The following MGST1 variants were observed in gnomAD, a reference collection of about 807,000 sequenced individuals.
The protein encoded by MGST1 is glutathione S-transferase 12.
Under a neutral mutation model 8.9 loss-of-function variants are expected in MGST1, and 5 were observed. The ratio of observed to expected loss-of-function variants is 0.56; its 90% confidence interval spans 0.29 to 1.19. MGST1 has a LOEUF of 1.19. MGST1 is among the 50% of genes most tolerant of loss of function. The pLI is 0.08. For synonymous variants in MGST1, 54 were observed against 67.8 expected, an observed-to-expected ratio of 0.80 and a Z score of 1.00; for missense variants, 182 against 187.4, an observed-to-expected ratio of 0.97 and a Z score of 0.17.
chr12:16,372,928 T>C lies in MGST1; in HGVS notation c.222-3194T>C, dbSNP rs895507607. On this transcript the variant is annotated intron_variant, in intron 3 of 3. Coordinates refer to the MGST1 transcript ENST00000535309. ...TATTACATATTTTATATATTTTATA[T>C]TGTATATTTTATATTATATATTACA... 1.7e-3 allele frequency among the ~76,000 whole-genome samples: 250 copies of C among 145,816 alleles called. 2 individuals carry two copies. The highest frequency in any genetic ancestry group is 0.011 in the East Asian group (55 of 5,048).
chr12:16,404,772 G>A lies in MGST1; in HGVS notation n.778+21168G>A, dbSNP rs147419015. On this transcript the variant is annotated intron_variant and non_coding_transcript_variant, in intron 1 of 1. Transcript: ENST00000359720. The stretch of plus-strand genomic sequence containing the variant: ...TGAATCAGTGGTCTTCTAGCTTTAC[G>A]TCCTCATTACCACTTTATCTTGCTC... Among the ~76,000 whole-genome samples the A allele has an allele frequency of 5.4e-3, 817 of 151,988 alleles. 7 individuals carry two copies. The highest frequency in any genetic ancestry group is 0.034 in the Middle Eastern group (10 of 294).
chr12:16,400,967 T>A, intron 1 of MGST1: 2 of 1,409,558 alleles, frequency 1.4e-6, no homozygotes, highest in Non-Finnish European at 2.0e-6. Flanking sequence ...TGCTTCTTCA[T>A]TGAGTTGAGC....
chr12:16,452,727 T>C lies in MGST1; in HGVS notation n.482+69123T>C, dbSNP rs530560959. ...TTTTTAATTATTATGGTAAACTTAT[T>C]TAAACTAAAAAATGTTTTAAAAAAT... On this transcript the variant is annotated intron_variant and non_coding_transcript_variant, in intron 4 of 4. Transcript: ENST00000538857. Among the ~76,000 whole-genome samples, 27 of 151,978 alleles carry C rather than the reference T, an allele frequency of 1.8e-4. No homozygotes were observed. The South Asian group carries it at 4.6e-3, about 26-fold the overall frequency.
Position 16,586,107 on chromosome 12 carries a change from T to C in MGST1, n.483-3421T>C, listed in dbSNP as rs1943311281. Among the ~76,000 whole-genome samples the C allele has an allele frequency of 6.6e-6, 1 of 151,968 alleles. No homozygotes were observed. The highest frequency in any genetic ancestry group is 1.5e-5 in the Non-Finnish European group (1 of 67,996). The stretch of plus-strand genomic sequence containing the variant: ...AAAAATTTTTGAGGGGCCAAAACAA[T>C]AGGGGTCAAGATCAAAGACACAGGG... On this transcript the variant is annotated intron_variant and non_coding_transcript_variant, in intron 4 of 4. Transcript: ENST00000538857. The surrounding 1 kb of genome is among the most constrained non-coding windows in gnomAD (Gnocchi z 4.3).
At chr12:16,478,926 C>T (rs1941344686) in intron 4 of MGST1, among the ~76,000 whole-genome samples, 1 of 151,932 alleles carries the variant, frequency 6.6e-6, no homozygotes, top group South Asian at 2.1e-4. Flanking sequence ...TCCGTTGTTC[C>T]AAAATAAAAC....
chr12:16,351,377 C>T (rs1184201348), intron 1 of MGST1, among the ~76,000 whole-genome samples: 1 of 152,090 alleles, frequency 6.6e-6, no homozygotes, highest in East Asian at 1.9e-4. Flanking sequence ...GCACTGAGAG[C>T]TAATCTAACA....
In MGST1 at chr12:16,560,514, G is replaced by T; in HGVS notation, n.483-29014G>T. The stretch of plus-strand genomic sequence containing the variant: ...CAGGGATGAGCTTACTACAGGCAGC[G>T]CAGTTTCCCGTTACACCAAAGAGCC... On this transcript the variant is annotated intron_variant and non_coding_transcript_variant, in intron 4 of 4. Coordinates refer to the MGST1 transcript ENST00000538857. This position sits in a 1 kb window ranked among gnomAD's most constrained non-coding sequence, Gnocchi z 5.0. The T allele has an allele frequency of 6.2e-7, 1 of 1,613,030 alleles. No individual in the cohort carries two copies. The highest frequency in any genetic ancestry group is 1.7e-5 in the Admixed American group (1 of 59,876).
Position 16,555,199 on chromosome 12 carries a change from CT to C in MGST1, n.483-34326del, listed in dbSNP as rs1591768185. On this transcript the variant is annotated intron_variant and non_coding_transcript_variant, in intron 4 of 4. Transcript: ENST00000538857. The surrounding 1 kb of genome is among the most constrained non-coding windows in gnomAD (Gnocchi z 5.5). ...TATTTGGTAATGATAATCTTTTCAC[CT>C]TTACTTAAGTTGTTCCCTAGCAAGA... Among the ~76,000 whole-genome samples the C allele has an allele frequency of 1.3e-5, 2 of 152,066 alleles. No homozygotes were observed. Among genetic ancestry groups the C allele is most frequent in the South Asian group, 2.1e-4 (1 of 4,816 alleles).
chr12:16,426,861 A>T (rs1940893987), intron 1 of MGST1, among the ~76,000 whole-genome samples: 2 of 151,536 alleles, frequency 1.3e-5, no homozygotes, highest in Admixed American at 1.3e-4. Flanking sequence ...AGTCCCAGCT[A>T]CTTGGGAGGC....
At position 16,517,182 on chromosome 12, in the gene MGST1, G is replaced by A. The variant is rs1414153911; in HGVS notation, n.483-72346G>A. ...CAGCAAACTTCACAATCATCTGATC[G>A]AATATATGAGATCTAATGAAAGACT... On this transcript the variant is annotated intron_variant and non_coding_transcript_variant, in intron 4 of 4. Transcript: ENST00000538857. The surrounding 1 kb of genome is among the most constrained non-coding windows in gnomAD (Gnocchi z 4.2). 1.3e-5 allele frequency among the ~76,000 whole-genome samples: 2 copies of A among 152,156 alleles called. No homozygotes were observed. The highest frequency in any genetic ancestry group is 4.8e-5 in the African/African-American group (2 of 41,426).
chr12:16,370,135 G>A (rs1940267063), intron 3 of MGST1: 1 of 152,176 alleles, frequency 6.6e-6, no homozygotes, highest in South Asian at 2.1e-4. Context: ...ATTCTAATGT[G>A]TCATAATTTT....
At chr12:16,563,443 T>C (rs575086119) in intron 4 of MGST1, among the ~76,000 whole-genome samples, 5 of 152,290 alleles carry the variant, frequency 3.3e-5, no homozygotes, top group African/African-American at 1.2e-4. Context: ...GGCAAAAGAA[T>C]TTTCATATAT....
At chr12:16,461,708 T>G (rs1446944965) in intron 4 of MGST1, among the ~76,000 whole-genome samples, 3 of 152,146 alleles carry the variant, frequency 2.0e-5, no homozygotes, top group Non-Finnish European at 2.9e-5. Context: ...AGAATATTAA[T>G]ATGTGTCTCA....
intron 1 of MGST1, among the ~76,000 whole-genome samples, chr12:16,433,389 A>G (rs753149186): frequency 1.6e-4 from 25 of 152,224 alleles, no homozygotes; most frequent in Middle Eastern, 3.4e-3. Context: ...AATCAAGTTG[A>G]CACTCAACAT....
chr12:16,498,860 A>C (rs1167235865), intron 4 of MGST1, among the ~76,000 whole-genome samples: 1 of 152,198 alleles, frequency 6.6e-6, no homozygotes, highest in African/African-American at 2.4e-5. Context: ...ACTATTGACA[A>C]GTATTGAAGT....
intron 1 of MGST1, among the ~76,000 whole-genome samples, chr12:16,420,717 C>CG (rs1466492482): frequency 6.6e-6 from 1 of 152,046 alleles, no homozygotes; most frequent in Non-Finnish European, 1.5e-5. Context: ...CTATAGGAAG[C>CG]GGGGGTGATC....
In MGST1 at chr12:16,351,466, G is replaced by A. The variant is rs1939461545; in HGVS notation, c.-22-2765G>A. 1.3e-5 allele frequency among the ~76,000 whole-genome samples: 2 copies of A among 152,142 alleles called. 1 individual carries two copies. The highest frequency in any genetic ancestry group is 1.3e-4 in the Admixed American group (2 of 15,276). ...GGGATTTTTTAAAAACCTTGCGCAT[G>A]TAGTTTCTGTTTGCCTAAATCCAAG... On this transcript the variant is annotated intron_variant, in intron 1 of 3. Transcript: ENST00000396210.
chr12:16,426,832 C>T (rs1000100626), intron 1 of MGST1, among the ~76,000 whole-genome samples: 1 of 151,780 alleles, frequency 6.6e-6, no homozygotes, highest in Non-Finnish European at 1.5e-5. Context: ...ATTAGCCGGG[C>T]GTGATGGCCG....
chr12:16,354,783 GA>G lies in MGST1; in HGVS notation c.126+414del, dbSNP rs1013294584. On this transcript the variant is annotated intron_variant, in intron 2 of 3. Coordinates refer to ENST00000396210, the MANE Select transcript of MGST1 (RefSeq NM_020300.5). Reference sequence around the variant, plus strand: ...GTATGATTTTGGTTAAAAAAAAATAGAAAAAAAAAGAAGAAAGAAAAAGAAG... The same window carrying G: ...GTATGATTTTGGTTAAAAAAAAATAGAAAAAAAAGAAGAAAGAAAAAGAAG... 633 of 149,546 alleles carry G rather than the reference GA, an allele frequency of 4.2e-3. 3 individuals carry two copies. The highest frequency in any genetic ancestry group is 0.014 in the African/African-American group (581 of 40,626). 9.3% of individuals were successfully genotyped at this position (149,546 alleles called of 1,614,324 possible).
Sources: allele counts gnomAD v4.1 joint callset (sites outside exome capture counted in the v4.1 genomes callset), GRCh38; gene constraint gnomAD v4.1.1; non-coding constraint Gnocchi (gnomAD v3.1); transcripts MANE v1.5; gene names NCBI Gene and HGNC (gene_info 2026-07-23, HGNC 2026-07-21).